DLC1: variants seen among roughly 807,000 people sequenced by gnomAD.
DLC1 encodes the protein rho GTPase-activating protein 7.
A neutral mutation model predicts 140.3 loss-of-function variants in DLC1; 54 were observed. That is an observed-to-expected ratio of 0.38 (90% CI 0.31 to 0.48). DLC1 has a LOEUF of 0.48. Among genes scored for constraint, DLC1 ranks in the 20% least tolerant of loss-of-function variants. DLC1 has a pLI of 0.96. For missense variants in DLC1, 2,536 were observed against 1,907.0 expected (o/e 1.33, Z -6.14); for synonymous variants, 986 against 728.1 (o/e 1.35, Z -5.70).
chr8:13,147,009 C>T (rs1823483158), intron 5 of DLC1, among the ~76,000 whole-genome samples: 1 of 152,140 alleles, frequency 6.6e-6, no homozygotes, highest in Non-Finnish European at 1.5e-5. Context: ...CTTCTCTAAA[C>T]CGTGTTGAAA....
chr8:13,430,877 G>C (rs1244252905), intron 2 of DLC1, among the ~76,000 whole-genome samples: 2 of 152,010 alleles, frequency 1.3e-5, no homozygotes, highest in South Asian at 4.2e-4. Flanking sequence ...TAATTACTGA[G>C]GCAGAAATAT....
At chr8:13,252,614 C>T (rs940874979) in intron 5 of DLC1, among the ~76,000 whole-genome samples, 1 of 152,118 alleles carries the variant, frequency 6.6e-6, no homozygotes, top group African/African-American at 2.4e-5. Context: ...TAGAAAGTAT[C>T]TAGAAGGGAC....
At chr8:13,492,185 G>A (rs989816478) in intron 2 of DLC1, among the ~76,000 whole-genome samples, 1 of 151,948 alleles carries the variant, frequency 6.6e-6, no homozygotes, top group East Asian at 1.9e-4. Context: ...GAGCTTATCT[G>A]AGGGTTCCAC....
At chr8:13,319,638 T>C (rs774206962) in intron 4 of DLC1, among the ~76,000 whole-genome samples, 4 of 152,100 alleles carry the variant, frequency 2.6e-5, no homozygotes, top group Non-Finnish European at 4.4e-5. Flanking sequence ...GACATGATTG[T>C]CAGTTTCTTG....
intron 1 of DLC1, among the ~76,000 whole-genome samples, chr8:13,527,862 CTT>C (rs1365330589): frequency 6.6e-6 from 1 of 152,068 alleles, no homozygotes; most frequent in African/African-American, 2.4e-5. Flanking sequence ...ACTAAGCAAA[CTT>C]ATATTTTCTT....
chr8:13,092,913 A>T (rs1818199424), intron 12 of DLC1, 88 bp from the exon 13 acceptor site: 1 of 1,412,610 alleles, frequency 7.1e-7, no homozygotes, highest in South Asian at 1.3e-5. Flanking sequence ...TCGGCATCAA[A>T]TACCTCAGCC....
At chr8:13,352,695 A>G (rs944307589) in intron 4 of DLC1, among the ~76,000 whole-genome samples, 1 of 152,194 alleles carries the variant, frequency 6.6e-6, no homozygotes, top group Non-Finnish European at 1.5e-5. Flanking sequence ...CTTTTAAGGT[A>G]TAAAAATAAT....
intron 4 of DLC1, among the ~76,000 whole-genome samples, chr8:13,337,980 C>A (rs1671353): frequency 1.2e-3 from 177 of 152,142 alleles, no homozygotes; most frequent in African/African-American, 3.6e-3. Context: ...CCCTATCATA[C>A]GTTGAGTAGT....
At chr8:13,096,885 C>A (rs756506045) in intron 10 of DLC1, among the ~76,000 whole-genome samples, 3 of 152,162 alleles carry the variant, frequency 2.0e-5, no homozygotes, top group Non-Finnish European at 2.9e-5. Flanking sequence ...AATAAACACT[C>A]AGATTACTGA....
rs113405143 is a variant in DLC1 at position 13,414,766 on chromosome 8, G to GA, written c.1024-13148dup. On this transcript the variant is annotated intron_variant, in intron 2 of 17. Coordinates refer to ENST00000276297, the MANE Select transcript of DLC1 (RefSeq NM_182643.3). ...TTATACAATACATGCAATAAACTAAGAAAAATATCCTTATTTGACACGATG... is the reference window on the plus strand; with the variant it reads ...TTATACAATACATGCAATAAACTAAGAAAAAATATCCTTATTTGACACGATG... Among the ~76,000 whole-genome samples the GA allele has an allele frequency of 1.6e-3, 249 of 152,232 alleles. 1 individual carries two copies. The highest frequency in any genetic ancestry group is 5.4e-3 in the African/African-American group (224 of 41,544).
intron 5 of DLC1, among the ~76,000 whole-genome samples, chr8:13,283,883 T>C (rs554022155): frequency 2.0e-5 from 3 of 152,048 alleles, no homozygotes; most frequent in Non-Finnish European, 2.9e-5. Context: ...TAGGACAGAG[T>C]ATCAAAGAAG....
intron 4 of DLC1, among the ~76,000 whole-genome samples, chr8:13,347,395 A>C (rs763160482): frequency 2.0e-5 from 3 of 152,190 alleles, no homozygotes; most frequent in Non-Finnish European, 2.9e-5. Context: ...GCTAGAGCTC[A>C]AGGATGTGCA....
intron 2 of DLC1, among the ~76,000 whole-genome samples, chr8:13,414,296 T>C (rs1837946200): frequency 6.6e-6 from 1 of 152,228 alleles, no homozygotes; most frequent in African/African-American, 2.4e-5. Flanking sequence ...ATAAATGTGG[T>C]TACTAAAGTA....
chr8:13,111,649 C>T (rs1820121393), intron 6 of DLC1, among the ~76,000 whole-genome samples: 1 of 152,150 alleles, frequency 6.6e-6, no homozygotes, highest in Non-Finnish European at 1.5e-5. Context: ...TGGAAATTTA[C>T]AACAGCTCTG....
intron 4 of DLC1, among the ~76,000 whole-genome samples, chr8:13,322,355 G>A (rs1051460181): frequency 6.6e-6 from 1 of 152,096 alleles, no homozygotes; most frequent in African/African-American, 2.4e-5. Flanking sequence ...TCTATTTAAA[G>A]TACAAGTATG....
In DLC1 at chr8:13,467,803, A is replaced by T. The variant is rs192295412; in HGVS notation, c.1023+31246T>A. 2.7e-3 allele frequency among the ~76,000 whole-genome samples: 407 copies of T among 152,150 alleles called. 2 individuals are homozygous for T. The highest frequency in any genetic ancestry group is 9.3e-3 in the African/African-American group (385 of 41,510). On this transcript the variant is annotated intron_variant, in intron 2 of 17. Coordinates refer to ENST00000276297, the MANE Select transcript of DLC1 (RefSeq NM_182643.3). ...TCTGCATCTCTTCATATGATCATAA[A>T]TTTTTTTCTCCTTTCATCTGTTAAT...
chr8:13,165,464 A>C (rs566795960), intron 5 of DLC1, among the ~76,000 whole-genome samples: 1 of 152,216 alleles, frequency 6.6e-6, no homozygotes, highest in Non-Finnish European at 1.5e-5. Flanking sequence ...TGAGCTTCAC[A>C]TAAAGTGCTC....
chr8:13,439,632 A>G lies in DLC1; in HGVS notation c.1024-38013T>C, dbSNP rs1839270810. Among the ~76,000 whole-genome samples the G allele has an allele frequency of 3.3e-5, 5 of 152,290 alleles. No homozygotes were observed. The South Asian group carries it at 1.0e-3, about 32-fold the overall frequency. On this transcript the variant is annotated intron_variant, in intron 2 of 17. Transcript: ENST00000276297. ...TTGGTAGTCAACAATCCTTTCATCG[A>G]TAAAATCTAGACCAGTTATTATTCT...
chr8:13,553,421 A>G (rs1803933586), intron 1 of DLC1, among the ~76,000 whole-genome samples: 1 of 150,946 alleles, frequency 6.6e-6, no homozygotes, highest in Admixed American at 6.6e-5. Context: ...TCAGCATACC[A>G]GCATAATGTT....
Sources: allele counts gnomAD v4.1 joint callset (sites outside exome capture counted in the v4.1 genomes callset), GRCh38; gene constraint gnomAD v4.1.1; transcripts MANE v1.5; gene names NCBI Gene and HGNC (gene_info 2026-07-23, HGNC 2026-07-21).